RBFOX1: variants seen among roughly 807,000 people sequenced by gnomAD.
RBFOX1 encodes the protein RNA binding fox-1 homolog 1.
In RBFOX1, 8 loss-of-function variants were observed where a neutral mutation model predicts 57.7. The observed-to-expected ratio is 0.14, with a 90% CI of 0.08 to 0.25. The LOEUF (loss-of-function observed/expected upper bound fraction) is 0.25. Ranked by LOEUF, RBFOX1 falls within the 10% of genes least tolerant of loss-of-function variation. The pLI is 1.00. For missense variants in RBFOX1, 611 were observed against 548.5 expected (o/e 1.11, Z -1.14); for synonymous variants, 326 against 222.4 (o/e 1.47, Z -4.15).
chr16:7,693,412 T>C, intron 14 of RBFOX1: 2 of 1,328,530 alleles, frequency 1.5e-6, no homozygotes, highest in East Asian at 2.4e-5. Flanking sequence ...CAAGTCTCAG[T>C]ATCCTTTTTT....
chr16:5,722,319 G>C (rs1329747353), intron 3 of RBFOX1, among the ~76,000 whole-genome samples: 1 of 152,190 alleles, frequency 6.6e-6, no homozygotes, highest in African/African-American at 2.4e-5. Flanking sequence ...TGTTGTTCCA[G>C]TATGGTTTGA....
At chr16:7,091,527 T>TAAA (rs199716851) in intron 4 of RBFOX1, among the ~76,000 whole-genome samples, 1 of 147,346 alleles carries the variant, frequency 6.8e-6, no homozygotes, top group South Asian at 2.2e-4. Context: ...TTCAGTCACT[T>TAAA]AAAAAAAAAA....
intron 1 of RBFOX1, among the ~76,000 whole-genome samples, chr16:6,121,336 C>G (rs1318380389): frequency 6.6e-6 from 1 of 152,176 alleles, no homozygotes; most frequent in South Asian, 2.1e-4. Flanking sequence ...GGGTGTGATA[C>G]AAGCTGGCCT....
At chr16:7,063,129 G>C (rs2055001628) in intron 4 of RBFOX1, among the ~76,000 whole-genome samples, 1 of 151,868 alleles carries the variant, frequency 6.6e-6, no homozygotes, top group Non-Finnish European at 1.5e-5. Flanking sequence ...TGACAGCTAA[G>C]AGAAAGGAGC....
At chr16:6,473,809 T>C (rs1220110327) in intron 2 of RBFOX1, among the ~76,000 whole-genome samples, 2 of 152,120 alleles carry the variant, frequency 1.3e-5, no homozygotes, top group African/African-American at 2.4e-5. Flanking sequence ...ATGGGCTAAG[T>C]AGAAAGGGGT....
intron 4 of RBFOX1, among the ~76,000 whole-genome samples, chr16:7,496,754 A>AAAAAAC (rs2068800271): frequency 6.7e-6 from 1 of 150,252 alleles, no homozygotes; most frequent in East Asian, 1.9e-4. Flanking sequence ...ACAGAAAAAA[A>AAAAAAC]AAAAACAGTT....
At chr16:6,654,434 T>C (rs1285975479) in intron 2 of RBFOX1, among the ~76,000 whole-genome samples, 169 bp from the exon 3 acceptor site, 1 of 152,218 alleles carries the variant, frequency 6.6e-6, no homozygotes, top group Non-Finnish European at 1.5e-5. Context: ...CACCGCAGTA[T>C]GTACCTTTAA....
intron 4 of RBFOX1, among the ~76,000 whole-genome samples, chr16:6,013,243 A>T (rs567023272): frequency 8.5e-5 from 13 of 152,214 alleles, no homozygotes; most frequent in African/African-American, 3.1e-4. Context: ...TCATAAAGTT[A>T]TACTAAATAG....
intron 3 of RBFOX1, among the ~76,000 whole-genome samples, chr16:5,696,311 C>T (rs2050840853): frequency 6.6e-6 from 1 of 152,176 alleles, no homozygotes; most frequent in Non-Finnish European, 1.5e-5. Context: ...CAAGGTATCT[C>T]ATGCATCTGG....
At chr16:5,587,447 T>A (rs2046869653) in intron 2 of RBFOX1, among the ~76,000 whole-genome samples, 2 of 152,202 alleles carry the variant, frequency 1.3e-5, no homozygotes, top group South Asian at 4.1e-4. Context: ...GTGCGGTCGC[T>A]CACGCCTGTC....
intron 3 of RBFOX1, among the ~76,000 whole-genome samples, chr16:6,731,341 G>A (rs992197750): frequency 2.6e-5 from 4 of 152,254 alleles, no homozygotes; most frequent in South Asian, 4.1e-4. Flanking sequence ...ATATATCATT[G>A]TGGATCGTTG....
chr16:6,250,949 T>G (rs990793140), intron 1 of RBFOX1, among the ~76,000 whole-genome samples: 19 of 151,858 alleles, frequency 1.3e-4, no homozygotes, highest in African/African-American at 4.6e-4. Context: ...CCTGATTTTG[T>G]TTTTTCACAC....
intron 1 of RBFOX1, among the ~76,000 whole-genome samples, chr16:6,130,469 A>G (rs2096621819): frequency 6.6e-6 from 1 of 152,182 alleles, no homozygotes. Context: ...GAAATAAGGA[A>G]TAAAATGAAA....
chr16:5,464,144 AGAGAG>A (rs1040951112), intron 1 of RBFOX1, among the ~76,000 whole-genome samples: 1 of 152,104 alleles, frequency 6.6e-6, no homozygotes, highest in African/African-American at 2.4e-5. Context: ...ACAGCTGGGG[AGAGAG>A]GAGAGCTGGG....
At chr16:7,118,927 G>T (rs9925856) in intron 4 of RBFOX1, among the ~76,000 whole-genome samples, 21,152 of 152,038 alleles carry the variant, frequency 0.14, 1,805 homozygotes, top group East Asian at 0.34. Flanking sequence ...TGATTTTTAG[G>T]AACATGTGGC....
chr16:7,708,956 T>C lies in RBFOX1; in HGVS notation c.996-100T>C. ...AATTTGCTTCTCACTGGAAGATGAG[T>C]AGGGCCCCTGCATACTGTCTTGGTA... On this transcript the variant is annotated intron_variant, in intron 14 of 15. Transcript: ENST00000550418. 1.3e-5 allele frequency: 14 copies of C among 1,055,938 alleles called. No individual in the cohort carries two copies. In the South Asian group the frequency reaches 1.9e-4, roughly 14 times the overall value. 65.4% of individuals were successfully genotyped at this position (1,055,938 alleles called of 1,614,324 possible). A position where few individuals can be genotyped will look rare whatever the true frequency, so the allele number is the denominator to read the frequency against.
intron 3 of RBFOX1, among the ~76,000 whole-genome samples, chr16:6,823,811 T>G (rs1236462262): frequency 6.6e-6 from 1 of 152,174 alleles, no homozygotes; most frequent in Admixed American, 6.5e-5. Flanking sequence ...GATTCCTACC[T>G]CTGGGGACCT....
chr16:6,685,459 T>TC (rs879135307), intron 3 of RBFOX1, among the ~76,000 whole-genome samples: 1 of 146,122 alleles, frequency 6.8e-6, no homozygotes, highest in Non-Finnish European at 1.5e-5. Context: ...TTTTTTTTTT[T>TC]CTATTTTTAG....
At chr16:5,966,762 T>A (rs1487932473) in intron 4 of RBFOX1, among the ~76,000 whole-genome samples, 1 of 151,992 alleles carries the variant, frequency 6.6e-6, no homozygotes, top group African/African-American at 2.4e-5. Flanking sequence ...ATCACATCAC[T>A]CCACCAGCCC....
Sources: gnomAD v4.1 joint callset for allele counts (sites outside exome capture counted in the v4.1 genomes callset) on GRCh38, gnomAD v4.1.1 for gene constraint, MANE v1.5 for transcripts, NCBI Gene and HGNC (gene_info 2026-07-23, HGNC 2026-07-21) for gene names.